MDGA2: variants seen among roughly 807,000 people sequenced by gnomAD.
The protein encoded by MDGA2 is MAM domain-containing glycosylphosphatidylinositol anchor protein 2.
MDGA2 carries 40 observed loss-of-function variants against 117.8 expected under a neutral mutation model. That is an observed-to-expected ratio of 0.34 (90% CI 0.26 to 0.44). The LOEUF is 0.44. Among genes scored for constraint, MDGA2 ranks in the 20% least tolerant of loss-of-function variants. The pLI is 1.00. For synonymous variants in MDGA2, 452 were observed against 439.0 expected (o/e 1.03, Z -0.37); for missense variants, 1,123 against 1,250.6 (o/e 0.90, Z 1.54).
chr14:47,062,809 A>G (rs1889939748), intron 6 of MDGA2, among the ~76,000 whole-genome samples: 1 of 152,106 alleles, frequency 6.6e-6, no homozygotes, highest in Non-Finnish European at 1.5e-5. Context: ...AGAATGAACT[A>G]GAGATAAATA....
At chr14:47,020,892 A>G (rs910718152) in intron 8 of MDGA2, among the ~76,000 whole-genome samples, 1 of 152,166 alleles carries the variant, frequency 6.6e-6, no homozygotes, top group Non-Finnish European at 1.5e-5. Context: ...GAAGAAAAAA[A>G]AAAATTAGAA....
chr14:47,392,505 T>A (rs1248079450), intron 1 of MDGA2, among the ~76,000 whole-genome samples: 1 of 152,136 alleles, frequency 6.6e-6, no homozygotes, highest in Non-Finnish European at 1.5e-5. Flanking sequence ...CTATGTTTAT[T>A]CAACAAATAT....
intron 1 of MDGA2, among the ~76,000 whole-genome samples, chr14:47,610,089 T>C (rs1896820393): frequency 6.6e-6 from 1 of 152,098 alleles, no homozygotes; most frequent in African/African-American, 2.4e-5. Flanking sequence ...TCTCAATAGA[T>C]GCAGAAAAAG....
At chr14:47,414,690 C>T (rs1302530607) in intron 1 of MDGA2, among the ~76,000 whole-genome samples, 1 of 152,022 alleles carries the variant, frequency 6.6e-6, no homozygotes. Context: ...AAGTTACTTT[C>T]CTTGATTCAT....
chr14:47,044,386 G>C (rs909855833), intron 7 of MDGA2, among the ~76,000 whole-genome samples: 3 of 152,070 alleles, frequency 2.0e-5, no homozygotes, highest in African/African-American at 4.8e-5. Context: ...TGGTAATATT[G>C]AGTAATTTGT....
intron 9 of MDGA2, among the ~76,000 whole-genome samples, chr14:46,934,683 A>G (rs1566533297): frequency 2.0e-5 from 3 of 152,174 alleles, no homozygotes; most frequent in Admixed American, 1.3e-4. Context: ...AAGGTATATT[A>G]TATTAGGAAT....
intron 1 of MDGA2, among the ~76,000 whole-genome samples, chr14:47,666,326 C>G (rs1193148948): frequency 6.9e-6 from 1 of 145,092 alleles, no homozygotes; most frequent in South Asian, 2.1e-4. Flanking sequence ...ATGCACCAAT[C>G]TGCGCTCTGT....
intron 1 of MDGA2, among the ~76,000 whole-genome samples, chr14:47,627,929 G>A (rs543311778): frequency 1.3e-5 from 2 of 152,244 alleles, no homozygotes; most frequent in African/African-American, 2.4e-5. Flanking sequence ...CAGAAGGAAC[G>A]AACTCCGGAC....
chr14:47,142,529 T>C (rs113128370), intron 4 of MDGA2, among the ~76,000 whole-genome samples: 4 of 152,312 alleles, frequency 2.6e-5, no homozygotes, highest in African/African-American at 9.6e-5. Flanking sequence ...TCATTATCTA[T>C]AAATGTTATC....
chr14:46,961,431 C>G (rs1160273982), intron 8 of MDGA2, among the ~76,000 whole-genome samples: 1 of 152,066 alleles, frequency 6.6e-6, no homozygotes, highest in Non-Finnish European at 1.5e-5. Context: ...TTCGTCTGAG[C>G]TAATTCAGTT....
At chr14:46,857,500 CTCTT>C (rs1448739249) in intron 14 of MDGA2, among the ~76,000 whole-genome samples, 2 of 135,280 alleles carry the variant, frequency 1.5e-5, no homozygotes, top group Non-Finnish European at 3.1e-5. Flanking sequence ...GCTTTTCTTT[CTCTT>C]TCAGGCTGCT....
intron 8 of MDGA2, among the ~76,000 whole-genome samples, chr14:46,962,666 A>G (rs142585062): frequency 6.6e-6 from 1 of 152,300 alleles, no homozygotes; most frequent in East Asian, 1.9e-4. Context: ...GAGAGATTTT[A>G]CATAATATTT....
chr14:47,555,901 A>C (rs1241667933), intron 1 of MDGA2, among the ~76,000 whole-genome samples: 2 of 152,140 alleles, frequency 1.3e-5, no homozygotes, highest in African/African-American at 2.4e-5. Flanking sequence ...CCATCCCCCT[A>C]GCCATCAGTG....
intron 8 of MDGA2, among the ~76,000 whole-genome samples, chr14:46,987,368 G>C (rs142600815): frequency 5.9e-5 from 9 of 152,030 alleles, no homozygotes; most frequent in African/African-American, 2.2e-4. Flanking sequence ...CTGAGAATTC[G>C]ACACAAAAAT....
chr14:47,593,371 C>T (rs948603245), intron 1 of MDGA2, among the ~76,000 whole-genome samples: 2 of 152,158 alleles, frequency 1.3e-5, no homozygotes, highest in South Asian at 4.1e-4. Flanking sequence ...CCCATCAATC[C>T]CATTACTGGG....
At chr14:47,114,719 T>C (rs572569042) in intron 5 of MDGA2, among the ~76,000 whole-genome samples, 2 of 152,260 alleles carry the variant, frequency 1.3e-5, no homozygotes, top group South Asian at 4.1e-4. Context: ...GCTAGCCATA[T>C]GCAGAAAATT....
At position 46,982,939 on chromosome 14, in the gene MDGA2, G is replaced by A. The variant is rs568695149; in HGVS notation, c.1820-25296C>T. Among the ~76,000 whole-genome samples the A allele has an allele frequency of 1.7e-3, 256 of 151,952 alleles. 2 individuals carry two copies. The highest frequency in any genetic ancestry group is 5.9e-3 in the African/African-American group (243 of 41,440). ...GCCCATTCAGTATGATATTGGCTGT[G>A]GGTTTGTTGTAGATAGCTCTTATTA... On this transcript the variant is annotated intron_variant, in intron 8 of 16. Transcript: ENST00000399232.
intron 1 of MDGA2, among the ~76,000 whole-genome samples, chr14:47,635,836 G>GTTT (rs34649804): frequency 0.3 from 45,277 of 151,890 alleles, 7,244 homozygotes; most frequent in South Asian, 0.47. Flanking sequence ...GTGAGTGTAG[G>GTTT]TTTAATACAA....
intron 8 of MDGA2, among the ~76,000 whole-genome samples, chr14:46,993,944 G>A (rs1346736073): frequency 2.0e-5 from 3 of 152,078 alleles, no homozygotes; most frequent in Non-Finnish European, 4.4e-5. Context: ...TTGGGAACTG[G>A]TCACACCCAA....
Sources: allele counts gnomAD v4.1 joint callset (sites outside exome capture counted in the v4.1 genomes callset), GRCh38; gene constraint gnomAD v4.1.1; transcripts MANE v1.5; gene names NCBI Gene and HGNC (gene_info 2026-07-23, HGNC 2026-07-21).